HMBOX1: variants seen among roughly 807,000 people sequenced by gnomAD.
The protein encoded by HMBOX1 is homeobox-containing protein 1.
HMBOX1 carries 14 observed loss-of-function variants against 54.5 expected under a neutral mutation model. The ratio of observed to expected loss-of-function variants is 0.26; its 90% CI spans 0.17 to 0.40. HMBOX1 has a LOEUF of 0.40. Among genes scored for constraint, HMBOX1 ranks in the 10% least tolerant of loss-of-function variants. The pLI is 1.00. For synonymous variants in HMBOX1, 160 were observed against 181.0 expected (o/e 0.88, Z 0.93); for missense variants, 332 against 514.4 (o/e 0.65, Z 3.43).
At chr8:28,979,685 T>G (rs967614045) in intron 3 of HMBOX1, among the ~76,000 whole-genome samples, 3 of 152,218 alleles carry the variant, frequency 2.0e-5, no homozygotes, top group African/African-American at 4.8e-5. Context: ...CTGAATTTGT[T>G]GTTGTTGCTC....
At chr8:29,011,316 C>G (rs928982749) in intron 5 of HMBOX1, among the ~76,000 whole-genome samples, 7 of 152,202 alleles carry the variant, frequency 4.6e-5, no homozygotes, top group African/African-American at 1.7e-4. Flanking sequence ...TAGCACTATT[C>G]ATATGCCAAG....
chr8:29,038,945 G>C (rs1804378945), intron 6 of HMBOX1, among the ~76,000 whole-genome samples: 1 of 151,976 alleles, frequency 6.6e-6, no homozygotes, highest in Non-Finnish European at 1.5e-5. Context: ...CCCATTTTTG[G>C]AACATTGTAA....
chr8:29,001,723 A>G (rs986338055), intron 4 of HMBOX1, among the ~76,000 whole-genome samples: 2 of 152,236 alleles, frequency 1.3e-5, no homozygotes, highest in Non-Finnish European at 1.5e-5. Flanking sequence ...ATCAAAACTC[A>G]TTGAACTATA....
At chr8:28,953,141 A>T (rs1823816377) in intron 1 of HMBOX1, among the ~76,000 whole-genome samples, 1 of 152,230 alleles carries the variant, frequency 6.6e-6, no homozygotes, top group African/African-American at 2.4e-5. Flanking sequence ...TTCATTAAAT[A>T]GTGATAGTAG....
chr8:28,939,942 C>T (rs747073681), intron 1 of HMBOX1, among the ~76,000 whole-genome samples: 32 of 152,174 alleles, frequency 2.1e-4, no homozygotes, highest in Admixed American at 1.1e-3. Context: ...AGGTCTTTTA[C>T]GCATGATGTT....
chr8:28,951,528 A>AAAT (rs1823415700), intron 1 of HMBOX1, among the ~76,000 whole-genome samples: 1 of 152,214 alleles, frequency 6.6e-6, no homozygotes, highest in Admixed American at 6.5e-5. Flanking sequence ...AAGACAGTGA[A>AAAT]AATAAGACTA....
chr8:28,993,242 GAT>G (rs1462477796), intron 4 of HMBOX1, among the ~76,000 whole-genome samples: 1 of 151,888 alleles, frequency 6.6e-6, no homozygotes, highest in Non-Finnish European at 1.5e-5. Flanking sequence ...AATTAAATAA[GAT>G]ATATTTTGAT....
chr8:28,948,360 A>G (rs944602248), intron 1 of HMBOX1, among the ~76,000 whole-genome samples: 1 of 152,214 alleles, frequency 6.6e-6, no homozygotes, highest in Non-Finnish European at 1.5e-5. Flanking sequence ...GAGTGCATAA[A>G]TGAATGTATA....
intron 7 of HMBOX1, 122 bp downstream of exon 7, chr8:29,045,565 C>G: frequency 1.3e-5 from 10 of 749,334 alleles, no homozygotes; most frequent in South Asian, 4.7e-5. Context: ...TCTGTGCCAT[C>G]CTTCCGCAGG....
intron 6 of HMBOX1, among the ~76,000 whole-genome samples, chr8:29,034,677 G>A (rs188374934): frequency 1.2e-4 from 19 of 152,292 alleles, no homozygotes; most frequent in South Asian, 6.2e-4. Flanking sequence ...CCAACATGGT[G>A]AAACCCTGTC....
At chr8:28,980,250 T>C (rs915865070) in intron 4 of HMBOX1, 94 bp downstream of exon 4, 20 of 910,736 alleles carry the variant, frequency 2.2e-5, no homozygotes, top group Non-Finnish European at 3.3e-5. Flanking sequence ...TGCATTGCAG[T>C]GCAGATCTGT....
chr8:28,976,708 TC>T (rs1215719970), intron 3 of HMBOX1, among the ~76,000 whole-genome samples: 23 of 151,004 alleles, frequency 1.5e-4, no homozygotes, highest in Non-Finnish European at 3.0e-4. Flanking sequence ...TTCTTTTTTT[TC>T]TTTTTTTTTT....
intron 1 of HMBOX1, among the ~76,000 whole-genome samples, chr8:28,952,158 T>TA (rs3053470): frequency 0.44 from 55,694 of 127,512 alleles, 12,870 homozygotes; most frequent in Non-Finnish European, 0.54. Flanking sequence ...GACCCTATCT[T>TA]AAAAAAAAAA....
chr8:28,901,991 C>G (rs1813322040), intron 1 of HMBOX1, among the ~76,000 whole-genome samples: 1 of 152,172 alleles, frequency 6.6e-6, no homozygotes, highest in Non-Finnish European at 1.5e-5. Context: ...ACACTTAGAC[C>G]AGTCATTTAC....
chr8:29,014,304 C>G (rs552749668), intron 5 of HMBOX1, among the ~76,000 whole-genome samples: 21 of 152,044 alleles, frequency 1.4e-4, no homozygotes, highest in Admixed American at 2.6e-4. Flanking sequence ...AGACAACACA[C>G]TTTTCCTGTT....
chr8:29,042,902 A>T (rs1186040549), intron 6 of HMBOX1, among the ~76,000 whole-genome samples: 1 of 152,220 alleles, frequency 6.6e-6, no homozygotes, highest in African/African-American at 2.4e-5. Flanking sequence ...GATAATAAAG[A>T]AAGTGAAGAA....
At chr8:29,045,552 C>T in intron 7 of HMBOX1, 109 bp downstream of exon 7, 1 of 817,080 alleles carries the variant, frequency 1.2e-6, no homozygotes, top group Non-Finnish European at 2.1e-6. Flanking sequence ...GCTCCCGGCT[C>T]AGTCTGTGCC....
intron 4 of HMBOX1, among the ~76,000 whole-genome samples, chr8:29,004,836 C>G (rs1332942780): frequency 6.6e-6 from 1 of 152,108 alleles, no homozygotes; most frequent in Non-Finnish European, 1.5e-5. Flanking sequence ...TATCGAGAGG[C>G]TGCCAGGGCT....
intron 4 of HMBOX1, among the ~76,000 whole-genome samples, chr8:29,006,469 C>G (rs1205628426): frequency 6.6e-6 from 1 of 152,172 alleles, no homozygotes; most frequent in Non-Finnish European, 1.5e-5. Flanking sequence ...ATGTTCAGCT[C>G]TAGCAGTTAT....
Sources: allele counts gnomAD v4.1 joint callset (sites outside exome capture counted in the v4.1 genomes callset), GRCh38; gene constraint gnomAD v4.1.1; transcripts MANE v1.5; gene names NCBI Gene and HGNC (gene_info 2026-07-23, HGNC 2026-07-21).